ERBB4: variants seen among roughly 807,000 people sequenced by gnomAD.
The protein encoded by ERBB4 is receptor tyrosine-protein kinase erbB-4.
Under a neutral mutation model 158.0 loss-of-function variants are expected in ERBB4, and 42 were observed. The observed-to-expected ratio is 0.27, with a 90% CI of 0.21 to 0.34. The LOEUF (loss-of-function observed/expected upper bound fraction) is 0.34, where lower values mean the gene tolerates loss of function less well. Ranked by LOEUF, ERBB4 falls within the 10% of genes least tolerant of loss-of-function variation. ERBB4 has a pLI of 1.00. For missense variants in ERBB4, 1,333 were observed against 1,624.1 expected (o/e 0.82, Z 3.08); for synonymous variants, 583 against 558.7 (o/e 1.04, Z -0.61).
intron 1 of ERBB4, among the ~76,000 whole-genome samples, chr2:212,301,307 G>T (rs2086613495): frequency 6.6e-6 from 1 of 151,116 alleles, no homozygotes; most frequent in African/African-American, 2.4e-5. Flanking sequence ...TAAACAAAAA[G>T]AAACTTAAGC....
intron 1 of ERBB4, among the ~76,000 whole-genome samples, chr2:212,430,562 T>C (rs2092006098): frequency 6.6e-6 from 1 of 151,990 alleles, no homozygotes; most frequent in Non-Finnish European, 1.5e-5. Context: ...TGCCTCAGCC[T>C]CCCAAGTAGC....
intron 20 of ERBB4, among the ~76,000 whole-genome samples, chr2:211,557,624 C>T (rs1457886563): frequency 6.8e-6 from 1 of 147,310 alleles, no homozygotes; most frequent in Non-Finnish European, 1.5e-5. Context: ...AACACTTATA[C>T]ATTGTTGTTC....
At position 212,318,807 on chromosome 2, in the gene ERBB4, G is replaced by A. The variant is rs148527249; in HGVS notation, c.83-193904C>T. ...ATTTTTTATCATGTAAGTCTTGCCC[G>A]AAGCTGAAACTTCCGGTCTTCTTAC... On this transcript the variant is annotated intron_variant, in intron 1 of 27. Coordinates refer to ENST00000342788, the MANE Select transcript of ERBB4 (RefSeq NM_005235.3). 2.6e-5 allele frequency among the ~76,000 whole-genome samples: 4 copies of A among 151,594 alleles called. No homozygotes were observed. In the East Asian group the frequency reaches 5.9e-4, roughly 22 times the overall value.
intron 5 of ERBB4, among the ~76,000 whole-genome samples, chr2:211,734,611 C>A: frequency 8.1e-6 from 1 of 124,004 alleles, no homozygotes; most frequent in African/African-American, 3.2e-5. Context: ...AGGGAAATAG[C>A]TGTAGCATTA....
rs762464348 is a variant in ERBB4, at chr2:211,788,008, A to G, written c.556+17T>C. ...GGTAGAACATTTTGAGAAATTAAAA[A>G]GAATAATTCTACTTACATCCTGAAC... On this transcript the variant is annotated intron_variant, in intron 4 of 27. Transcript: ENST00000342788. The G allele has an allele frequency of 5.0e-6, 8 of 1,612,402 alleles. No homozygotes were observed. The highest frequency in any genetic ancestry group is 1.1e-5 in the South Asian group (1 of 91,048).
chr2:212,227,013 AG>A (rs1462754627), intron 1 of ERBB4, among the ~76,000 whole-genome samples: 4 of 152,152 alleles, frequency 2.6e-5, no homozygotes, highest in Non-Finnish European at 5.9e-5. Flanking sequence ...TAGAAGGCCG[AG>A]GCTGGCAGAA....
rs796272936 is a variant in ERBB4 at position 211,872,364 on chromosome 2, G to A, written c.421+75066C>T. Among the ~76,000 whole-genome samples, 8 of 152,240 alleles carry A rather than the reference G, an allele frequency of 5.3e-5. 1 individual carries two copies. Among genetic ancestry groups the A allele is most frequent in the African/African-American group, 1.4e-4 (6 of 41,556 alleles). ...TGAGCCTGATAATAGAATTATGTGT[G>A]TACCTATGTATGGTTTTGAGTGGAA... On this transcript the variant is annotated intron_variant, in intron 3 of 27. Transcript: ENST00000342788.
rs117561742 is a variant in ERBB4 at position 212,180,679 on chromosome 2, A to C, written c.83-55776T>G. Among the ~76,000 whole-genome samples the C allele has an allele frequency of 1.1e-4, 17 of 151,806 alleles. No individual in the cohort carries two copies. In the East Asian group the frequency reaches 3.3e-3, roughly 29 times the overall value. On this transcript the variant is annotated intron_variant, in intron 1 of 27. Coordinates refer to ENST00000342788, the MANE Select transcript of ERBB4 (RefSeq NM_005235.3). The stretch of plus-strand genomic sequence containing the variant: ...CTAGGACATTTTCTCTAATGTCACC[A>C]ATTTCTCAACTCAGTATTCAAACAG...
Position 211,716,362 on chromosome 2 carries a change from C to CAAAAAAAA in ERBB4, c.884-2722_884-2715dup, listed in dbSNP as rs534486221. 2.7e-4 allele frequency among the ~76,000 whole-genome samples: 19 copies of CAAAAAAAA among 69,284 alleles called. 2 individuals are homozygous for CAAAAAAAA. Among genetic ancestry groups the CAAAAAAAA allele is most frequent in the African/African-American group, 1.4e-3 (16 of 11,562 alleles). The allele number at this position is 69,284 out of a possible 152,430, so 45.5% of individuals were successfully genotyped here. A position where few individuals can be genotyped will look rare whatever the true frequency, so the allele number is the denominator to read the frequency against. On this transcript the variant is annotated intron_variant, in intron 7 of 27. Transcript: ENST00000342788. ...GGGCAACAACAGTGAAACTCTGTCT[C>CAAAAAAAA]AAAAAAAAAAAAAAAAAAAAAAAAA...
intron 2 of ERBB4, among the ~76,000 whole-genome samples, chr2:211,959,805 G>T (rs952473213): frequency 2.0e-5 from 3 of 152,014 alleles, no homozygotes; most frequent in Non-Finnish European, 4.4e-5. Flanking sequence ...CTTGCTCTGG[G>T]GACATGGAGA....
chr2:212,088,744 A>T (rs2078688285), intron 2 of ERBB4, among the ~76,000 whole-genome samples: 1 of 152,178 alleles, frequency 6.6e-6, no homozygotes, highest in East Asian at 1.9e-4. Flanking sequence ...GAAATTACTT[A>T]AATGCCTATA....
At chr2:212,088,639 T>A (rs2078685203) in intron 2 of ERBB4, among the ~76,000 whole-genome samples, 1 of 152,104 alleles carries the variant, frequency 6.6e-6, no homozygotes, top group Non-Finnish European at 1.5e-5. Flanking sequence ...ACAGTTCTAC[T>A]TCAAGAAACA....
At chr2:211,443,488 T>C (rs2064035706) in intron 20 of ERBB4, among the ~76,000 whole-genome samples, 1 of 152,106 alleles carries the variant, frequency 6.6e-6, no homozygotes, top group Non-Finnish European at 1.5e-5. Flanking sequence ...CAATGTGAAA[T>C]TTGAAAGCTG....
chr2:212,188,690 C>A (rs2125705166), intron 1 of ERBB4, among the ~76,000 whole-genome samples: 1 of 152,060 alleles, frequency 6.6e-6, no homozygotes, highest in African/African-American at 2.4e-5. Context: ...CTGGAACAAG[C>A]TTTCTCCCTC....
intron 14 of ERBB4, among the ~76,000 whole-genome samples, chr2:211,671,900 T>C (rs532267526): frequency 1.3e-5 from 2 of 152,314 alleles, no homozygotes; most frequent in African/African-American, 4.8e-5. Flanking sequence ...CTGTCCATAA[T>C]GGAGAAAGAA....
intron 3 of ERBB4, among the ~76,000 whole-genome samples, chr2:211,876,262 T>C (rs1244987170): frequency 6.6e-6 from 1 of 152,138 alleles, no homozygotes; most frequent in Non-Finnish European, 1.5e-5. Context: ...CACACGTCAG[T>C]AGGTATTTTG....
chr2:212,437,621 T>A (rs931240915), intron 1 of ERBB4, among the ~76,000 whole-genome samples: 1 of 152,048 alleles, frequency 6.6e-6, no homozygotes, highest in Non-Finnish European at 1.5e-5. Flanking sequence ...TTGTACATGC[T>A]ACAGAATAAT....
At chr2:212,515,888 C>A (rs1298630120) in intron 1 of ERBB4, among the ~76,000 whole-genome samples, 1 of 151,688 alleles carries the variant, frequency 6.6e-6, no homozygotes. Flanking sequence ...GAGTTATCTC[C>A]AGCTTCTTAA....
At chr2:211,617,474 G>GTTTA (rs1287069627) in intron 19 of ERBB4, among the ~76,000 whole-genome samples, 2 of 152,038 alleles carry the variant, frequency 1.3e-5, no homozygotes, top group Non-Finnish European at 2.9e-5. Context: ...AAACTTTAGA[G>GTTTA]AACTGGAGAA....
Sources: gnomAD v4.1 joint callset for allele counts (sites outside exome capture counted in the v4.1 genomes callset) on GRCh38, gnomAD v4.1.1 for gene constraint, MANE v1.5 for transcripts, NCBI Gene and HGNC (gene_info 2026-07-23, HGNC 2026-07-21) for gene names.